The following DNAH9 variants were observed in gnomAD, a reference collection of about 807,000 sequenced individuals.
DNAH9 encodes dynein axonemal heavy chain 9, also known as DNAH9 variant protein.
In DNAH9, 345 loss-of-function variants were observed where a neutral mutation model predicts 471.6. That is an observed-to-expected ratio of 0.73 (90% confidence interval 0.67 to 0.80). The LOEUF is 0.80. DNAH9 is among the 30% of genes least tolerant of loss of function. The pLI is 0.00. For missense variants in DNAH9, 5,407 were observed against 5,609.2 expected (o/e 0.96, Z 1.15); for synonymous variants, 2,093 against 2,123.6 (o/e 0.99, Z 0.40).
chr17:11,680,392 C>T (rs772001674), intron 18 of DNAH9, among the ~76,000 whole-genome samples: 1 of 152,088 alleles, frequency 6.6e-6, no homozygotes, highest in African/African-American at 2.4e-5. Flanking sequence ...CAATAGAAAC[C>T]GAAGATTGTA....
chr17:11,802,140 T>G (rs1393426291), intron 43 of DNAH9, among the ~76,000 whole-genome samples: 1 of 152,194 alleles, frequency 6.6e-6, no homozygotes, highest in Non-Finnish European at 1.5e-5. Context: ...ATTCCCTCCC[T>G]TCCCTGGGGC....
rs774336946 is a variant in DNAH9, at chr17:11,679,958, A to G, written c.3555A>G (p.Glu1185=). 9 of 1,613,866 alleles carry G rather than the reference A, an allele frequency of 5.6e-6. No individual in the cohort carries two copies. In the African/African-American group the frequency reaches 1.2e-4, roughly 22 times the overall value. Residue 1185 remains glutamate, a synonymous_variant, in exon 18 of 69, where the codon GAA becomes GAG. Coordinates refer to ENST00000262442, the MANE Select transcript of DNAH9 (RefSeq NM_001372.4). ...AGACCTATGAACAAGAATTGCCAGAAACAGTGTTTAAGCAGCTGGAGGTCA... is the reference window on the plus strand; with the variant it reads ...AGACCTATGAACAAGAATTGCCAGAGACAGTGTTTAAGCAGCTGGAGGTCA... ...LLKTYEQELP[E]TVFKQLEELP...
intron 36 of DNAH9, 34 bp downstream of exon 36, chr17:11,763,648 G>T: frequency 6.3e-7 from 1 of 1,597,534 alleles, no homozygotes; most frequent in South Asian, 1.1e-5. Flanking sequence ...CAACCACACT[G>T]AAGTCTGTAG....
intron 60 of DNAH9, among the ~76,000 whole-genome samples, chr17:11,903,420 T>C (rs980770301): frequency 3.9e-5 from 6 of 152,202 alleles, no homozygotes; most frequent in Non-Finnish European, 7.3e-5. Context: ...ATAAATGTTC[T>C]AAAACGGGGT....
chr17:11,705,275 C>A, intron 26 of DNAH9, 90 bp downstream of exon 26: 1 of 1,169,188 alleles, frequency 8.6e-7, no homozygotes, highest in Non-Finnish European at 1.3e-6. Flanking sequence ...CTGTCACTTG[C>A]TATTTGTCCA....
intron 53 of DNAH9, among the ~76,000 whole-genome samples, chr17:11,878,263 T>C (rs1972584825): frequency 6.6e-6 from 1 of 152,222 alleles, no homozygotes; most frequent in Admixed American, 6.5e-5. Context: ...CATTAACTAC[T>C]TTCCTGTTGA....
chr17:11,751,678 G>A (rs1324842984), intron 32 of DNAH9, among the ~76,000 whole-genome samples: 9 of 151,964 alleles, frequency 5.9e-5, no homozygotes, highest in Non-Finnish European at 7.4e-5. Context: ...TAAGGAACAA[G>A]TTAGGGATGC....
chr17:11,954,827 A>C (rs553523009), intron 67 of DNAH9, among the ~76,000 whole-genome samples: 1 of 151,980 alleles, frequency 6.6e-6, no homozygotes, highest in African/African-American at 2.4e-5. Context: ...AGAAAATGAT[A>C]TATGGAAATT....
At position 11,763,613 on chromosome 17, in the gene DNAH9, A is replaced by C. The variant is rs139937259; in HGVS notation, c.7169A>C (p.Gln2390Pro). ...TTCGGCGGAGCAATGGTCCAAGATC[A>C]GGTAAGGAGATATGTTGAGCTCAAC... Reference protein sequence around the residue: ...WAFGGAMVQDQLVDYRAEFSK... With the variant: ...WAFGGAMVQDPLVDYRAEFSK... Residue 2390 changes from glutamine (Q) to proline (P), a missense_variant and splice_region_variant, in exon 36 of 69, where the codon CAG becomes CCG. Coordinates refer to ENST00000262442, the MANE Select transcript of DNAH9 (RefSeq NM_001372.4). 108 of 1,613,834 alleles carry C rather than the reference A, an allele frequency of 6.7e-5. No individual in the cohort carries two copies. In the African/African-American group the frequency reaches 1.1e-3, roughly 16 times the overall value.
At chr17:11,719,279 T>C in intron 26 of DNAH9, 55 bp from the exon 27 acceptor site, 1 of 1,572,736 alleles carries the variant, frequency 6.4e-7, no homozygotes, top group South Asian at 1.1e-5. Flanking sequence ...TGAGCCTTAG[T>C]CCTATCTCAC....
At chr17:11,847,499 T>C (rs1450837814) in intron 49 of DNAH9, among the ~76,000 whole-genome samples, 1 of 152,188 alleles carries the variant, frequency 6.6e-6, no homozygotes. Flanking sequence ...TTGTCAGGTT[T>C]GTTGAAGATC....
At chr17:11,819,528 C>T (rs1970236528) in intron 45 of DNAH9, among the ~76,000 whole-genome samples, 2 of 151,800 alleles carry the variant, frequency 1.3e-5, no homozygotes, top group African/African-American at 4.9e-5. Context: ...AGCGATTCTT[C>T]TGTCTCAGCC....
chr17:11,739,245 A>G (rs1238533677), intron 29 of DNAH9, among the ~76,000 whole-genome samples: 4 of 152,162 alleles, frequency 2.6e-5, no homozygotes, highest in African/African-American at 4.8e-5. Flanking sequence ...TTTTAAATCC[A>G]TACGTTGGTA....
intron 50 of DNAH9, among the ~76,000 whole-genome samples, chr17:11,867,573 C>T (rs1972105422): frequency 6.6e-6 from 1 of 152,138 alleles, no homozygotes; most frequent in African/African-American, 2.4e-5. Context: ...TTTGTTGTTG[C>T]AGTTGCTGTT....
rs931033050 is a variant in DNAH9, at chr17:11,640,253, C to T, written c.1787-17C>T. 6.4e-7 allele frequency: 1 copy of T among 1,560,286 alleles called. No individual in the cohort carries two copies. Among genetic ancestry groups the T allele is most frequent in the Non-Finnish European group, 8.8e-7 (1 of 1,133,544 alleles). On this transcript the variant is annotated splice_polypyrimidine_tract_variant and intron_variant, in intron 9 of 68. Transcript: ENST00000262442. The stretch of plus-strand genomic sequence containing the variant: ...GTGCTCTAGACTCATTTCGGTCTGT[C>T]TGTGCCATGTCTCCAGGGTTCTCCC...
chr17:11,783,094 C>T (rs1307131266), intron 39 of DNAH9, among the ~76,000 whole-genome samples: 1 of 152,162 alleles, frequency 6.6e-6, no homozygotes, highest in Non-Finnish European at 1.5e-5. Flanking sequence ...AAATCCTTTG[C>T]AAGCTTGTCC....
chr17:11,847,401 G>A (rs572196060), intron 49 of DNAH9, among the ~76,000 whole-genome samples: 1 of 152,242 alleles, frequency 6.6e-6, no homozygotes, highest in East Asian at 1.9e-4. Flanking sequence ...TGTAAGGAAG[G>A]GGTCCAGTTT....
At chr17:11,896,472 G>A (rs961213556) in intron 59 of DNAH9, among the ~76,000 whole-genome samples, 2 of 152,166 alleles carry the variant, frequency 1.3e-5, no homozygotes, top group Non-Finnish European at 2.9e-5. Context: ...GCCAATCTCT[G>A]ATCCAAATAA....
At chr17:11,662,556 T>A (rs2150717593) in intron 14 of DNAH9, among the ~76,000 whole-genome samples, 1 of 152,184 alleles carries the variant, frequency 6.6e-6, no homozygotes, top group South Asian at 2.1e-4. Context: ...GTGACTGTTT[T>A]CTCTCCTGGT....
Sources: allele counts gnomAD v4.1 joint callset (sites outside exome capture counted in the v4.1 genomes callset), GRCh38; gene constraint gnomAD v4.1.1; transcripts MANE v1.5; gene names NCBI Gene and HGNC (gene_info 2026-07-23, HGNC 2026-07-21).